Variants in AOX1 observed in about 807,000 individuals in gnomAD.
AOX1 encodes the protein aldehyde oxidase 1.
In AOX1, 153 loss-of-function variants were observed where a neutral mutation model predicts 169.5. The ratio of observed to expected loss-of-function variants is 0.90; its 90% CI spans 0.79 to 1.03. The LOEUF (loss-of-function observed/expected upper bound fraction) is 1.03. Ranked by LOEUF, AOX1 falls within the 50% of genes least tolerant of loss-of-function variation. The pLI, the probability that AOX1 is intolerant of heterozygous loss-of-function variation, is 0.00. For missense variants in AOX1, 1,656 were observed against 1,663.9 expected (o/e 1.00, Z 0.08); for synonymous variants, 562 against 581.9 (o/e 0.97, Z 0.49).
At chr2:200,617,243 G>A (rs941698890) in intron 16 of AOX1, among the ~76,000 whole-genome samples, 4 of 151,948 alleles carry the variant, frequency 2.6e-5, no homozygotes, top group African/African-American at 7.3e-5. Context: ...TGTTTTGCCC[G>A]TGGTTTTTCA....
intron 9 of AOX1, 39 bp downstream of exon 9, chr2:200,604,879 G>A: frequency 1.7e-5 from 17 of 975,932 alleles, no homozygotes; most frequent in South Asian, 2.5e-5. Context: ...GGGAAATTGA[G>A]AAAAAGGGCT....
intron 15 of AOX1, among the ~76,000 whole-genome samples, chr2:200,615,598 G>A (rs1452333192): frequency 6.6e-6 from 1 of 152,104 alleles, no homozygotes; most frequent in Admixed American, 6.5e-5. Flanking sequence ...ATGTTTTCCT[G>A]GCTTAAGTAT....
rs1256603136 is a variant in AOX1 at position 200,595,376 on chromosome 2, G to A, written c.200+8G>A. On this transcript the variant is annotated splice_region_variant and intron_variant, in intron 3 of 34. Transcript: ENST00000374700. ...CATCACCAAGAGGATAAGGTACCGTGCAGCAAAGTCCAGATATGGTTGAAT... is the reference window on the plus strand; with the variant it reads ...CATCACCAAGAGGATAAGGTACCGTACAGCAAAGTCCAGATATGGTTGAAT... The A allele has an allele frequency of 1.2e-6, 2 of 1,602,524 alleles. No individual in the cohort carries two copies. The highest frequency in any genetic ancestry group is 1.7e-6 in the Non-Finnish European group (2 of 1,173,760).
At position 200,593,190 on chromosome 2, in the gene AOX1, T is replaced by C; in HGVS notation, c.90T>C (p.Tyr30=). The C allele has an allele frequency of 6.2e-7, 1 of 1,613,732 alleles. No individual in the cohort carries two copies. Among genetic ancestry groups the C allele is most frequent in the Non-Finnish European group, 8.5e-7 (1 of 1,179,766 alleles). The part of the protein sequence containing the change: ...NVDPETMLLP[Y]LRKKLRLTGT... The stretch of plus-strand genomic sequence containing the variant: ...ATCCTGAAACAATGCTGTTGCCTTA[T>C]TTGAGGAAGAAGCGTATCCTTTTCT... Residue 30 remains tyrosine (Y), a synonymous_variant, in exon 2 of 35, where the codon TAT becomes TAC. Transcript: ENST00000374700.
At chr2:200,645,681 CT>C (rs2035440044) in intron 25 of AOX1, among the ~76,000 whole-genome samples, 1 of 152,140 alleles carries the variant, frequency 6.6e-6, no homozygotes, top group South Asian at 2.1e-4. Context: ...TGGAATTCTG[CT>C]GTGAATCCTT....
Position 200,609,401 on chromosome 2 carries a change from C to A in AOX1, c.1140C>A (p.Asn380Lys). ...TGGCTGTGGGTAACTGTACCCTCAA[C>A]TTGCTATCAAAAGGTAAGTGACAGC... Reference protein sequence around the residue: ...PILAVGNCTLNLLSKEGKRQI... With the variant: ...PILAVGNCTLKLLSKEGKRQI... The change falls in exon 12 of 35, where the codon AAC becomes AAA. Residue 380 changes from asparagine to lysine, a missense_variant. Coordinates refer to ENST00000374700, the MANE Select transcript of AOX1 (RefSeq NM_001159.4). 1 of 1,613,920 alleles carries A rather than the reference C, an allele frequency of 6.2e-7. No individual in the cohort carries two copies.
intron 33 of AOX1, 70 bp from the exon 34 acceptor site, chr2:200,669,505 G>A: frequency 2.7e-6 from 4 of 1,481,458 alleles, no homozygotes; most frequent in Non-Finnish European, 3.7e-6. Context: ...ATGCACATAT[G>A]CTATAAATAT....
At chr2:200,610,005 A>T (rs1166828265) in intron 12 of AOX1, among the ~76,000 whole-genome samples, 4 of 152,156 alleles carry the variant, frequency 2.6e-5, no homozygotes, top group African/African-American at 9.7e-5. Context: ...TCGTTAAAAA[A>T]TATGGACTAG....
Position 200,642,684 on chromosome 2 carries a change from C to A in AOX1, c.2730C>A (p.Cys910Ter). The A allele has an allele frequency of 1.2e-5, 20 of 1,614,084 alleles. No individual in the cohort carries two copies. Among genetic ancestry groups the A allele is most frequent in the Non-Finnish European group, 1.5e-5 (18 of 1,180,000 alleles). Reference protein sequence around the residue: ...FPNLRCRGWACRTNLPSNTAF... With the variant: ...FPNLRCRGWA ...ATCTCCGCTGCCGGGGTTGGGCATG[C>A]AGAACCAACCTTCCATCCAACACAG... Residue 910 changes from cysteine to a stop codon, truncating the protein, a stop_gained, in exon 25 of 35, where the codon TGC becomes TGA. Coordinates refer to ENST00000374700, the MANE Select transcript of AOX1 (RefSeq NM_001159.4). LOFTEE classifies it high-confidence loss of function.
At chr2:200,678,307 A>G (rs2036125424), downstream of AOX1, 1 of 152,242 alleles carries the variant, frequency 6.6e-6, no homozygotes, top group Admixed American at 6.5e-5. Context: ...TCAAGTCTCC[A>G]TTCTTTTATT....
rs979969247 is a variant in AOX1 at position 200,586,032 on chromosome 2, G to T, written c.-77G>T. On this transcript the variant is annotated 5_prime_UTR_variant, in exon 1 of 35. Coordinates refer to ENST00000374700, the MANE Select transcript of AOX1 (RefSeq NM_001159.4). ...CCGCCCCACTCGGCGGGTCGGTGCC[G>T]CCGGGTCCCAGGTGCCCGCTACTTC... 5.9e-6 allele frequency: 9 copies of T among 1,517,322 alleles called. No individual in the cohort carries two copies. The African/African-American group carries it at 6.9e-5, about 12-fold the overall frequency. 94.0% of individuals were successfully genotyped at this position (1,517,322 alleles called of 1,614,324 possible).
At chr2:200,652,360 A>T (rs1317084454) in intron 26 of AOX1, among the ~76,000 whole-genome samples, 2 of 152,188 alleles carry the variant, frequency 1.3e-5, no homozygotes, top group Non-Finnish European at 2.9e-5. Context: ...AATAACACAG[A>T]GCCATGTAGT....
intron 10 of AOX1, among the ~76,000 whole-genome samples, chr2:200,607,372 A>G (rs1306253122): frequency 1.3e-5 from 2 of 152,098 alleles, no homozygotes; most frequent in Non-Finnish European, 2.9e-5. Flanking sequence ...TGTGCTGCTC[A>G]TCATCACTGA....
At chr2:200,662,778 C>A in intron 30 of AOX1, 77 bp from the exon 31 acceptor site, 2 of 1,131,560 alleles carry the variant, frequency 1.8e-6, no homozygotes, top group Non-Finnish European at 2.7e-6. Context: ...TTGCATAAAT[C>A]CTCATGGGTC....
At chr2:200,674,628 G>C (rs1158658724), downstream of AOX1, among the ~76,000 whole-genome samples, 1 of 152,232 alleles carries the variant, frequency 6.6e-6, no homozygotes, top group Non-Finnish European at 1.5e-5. Context: ...CATCACCCCA[G>C]TCAGTGCTCA....
chr2:200,653,892 C>G (rs796934277), intron 26 of AOX1, among the ~76,000 whole-genome samples: 29 of 152,198 alleles, frequency 1.9e-4, no homozygotes, highest in African/African-American at 6.7e-4. Context: ...TTTGATTTTA[C>G]TGTTGTAATT....
downstream of AOX1, among the ~76,000 whole-genome samples, chr2:200,672,954 G>A (rs2036048739): frequency 6.6e-6 from 1 of 152,208 alleles, no homozygotes; most frequent in Admixed American, 6.5e-5. Context: ...GCCAGGGACG[G>A]GGGCAGCCAT....
At chr2:200,641,570 A>G (rs2035353000) in intron 24 of AOX1, among the ~76,000 whole-genome samples, 1 of 151,522 alleles carries the variant, frequency 6.6e-6, no homozygotes, top group South Asian at 2.1e-4. Context: ...GTCTTTTTTT[A>G]TTTTTATTTT....
At chr2:200,650,298 T>C (rs961623812) in intron 25 of AOX1, among the ~76,000 whole-genome samples, 19 of 152,184 alleles carry the variant, frequency 1.2e-4, no homozygotes, top group African/African-American at 4.6e-4. Flanking sequence ...TCTCTTACAA[T>C]GATCTGATAA....
Sources: allele counts gnomAD v4.1 joint callset (sites outside exome capture counted in the v4.1 genomes callset), GRCh38; gene constraint gnomAD v4.1.1; transcripts MANE v1.5; gene names NCBI Gene and HGNC (gene_info 2026-07-23, HGNC 2026-07-21).